ATXN1L: variants seen among roughly 807,000 people sequenced by gnomAD.
The protein encoded by ATXN1L is ataxin 1 like.
A neutral mutation model predicts 43.4 loss-of-function variants in ATXN1L; 8 were observed. That is an observed-to-expected ratio of 0.18 (90% CI 0.11 to 0.33). The LOEUF is 0.33. Ranked by LOEUF, ATXN1L falls within the 10% of genes least tolerant of loss-of-function variation. The probability of loss-of-function intolerance (pLI) is 1.00; values close to 1 mark genes in which losing one functional copy is unlikely to be tolerated. For synonymous variants in ATXN1L, 379 were observed against 360.6 expected, an observed-to-expected ratio of 1.05 and a Z score of -0.58; for missense variants, 856 against 885.4, an observed-to-expected ratio of 0.97 and a Z score of 0.42.
chr16:71,849,722 A>C lies in ATXN1L; in HGVS notation c.-19A>C. 7 of 1,474,202 alleles carry C rather than the reference A, an allele frequency of 4.7e-6. No homozygotes were observed. The highest frequency in any genetic ancestry group is 6.3e-6 in the Non-Finnish European group (7 of 1,107,496). The allele number at this position is 1,474,202 out of a possible 1,614,324, so 91.3% of individuals were successfully genotyped here. Reference sequence around the variant, plus strand: ...AGCAAGTCGACTCCTTCCAGGCTCCAGGAACACCACAAAGCAATATGAAAC... The same window carrying C: ...AGCAAGTCGACTCCTTCCAGGCTCCCGGAACACCACAAAGCAATATGAAAC... On this transcript the variant is annotated 5_prime_UTR_variant, in exon 3 of 3. Transcript: ENST00000427980.
At position 71,852,928 on chromosome 16, in the gene ATXN1L, A is replaced by G. The variant is rs913381535; in HGVS notation, c.*1118A>G. 2 of 167,058 alleles carry G rather than the reference A, an allele frequency of 1.2e-5. No homozygotes were observed. Among genetic ancestry groups the G allele is most frequent in the African/African-American group, 2.4e-5 (1 of 41,428 alleles). The allele number at this position is 167,058 out of a possible 1,614,324, so 10.3% of individuals were successfully genotyped here. On this transcript the variant is annotated 3_prime_UTR_variant, in exon 3 of 3. Transcript: ENST00000427980. The stretch of plus-strand genomic sequence containing the variant: ...GGTTTCCCCTTCAGCTATAATCTCT[A>G]TTTTTAAAATCTCAAAATCATGTCC...
rs1185945308 is a variant in ATXN1L at position 71,854,087 on chromosome 16, A to G, written c.*2277A>G. ...CTCATTCCTAGAGTTCATTGTTTGC[A>G]TGGGTTTCTCACAAGCGTCCTTCCT... On this transcript the variant is annotated 3_prime_UTR_variant, in exon 3 of 3. Transcript: ENST00000427980. 1.8e-5 allele frequency: 3 copies of G among 167,050 alleles called. No homozygotes were observed. Among genetic ancestry groups the G allele is most frequent in the Non-Finnish European group, 4.4e-5 (3 of 68,146 alleles). 10.3% of individuals were successfully genotyped at this position (167,050 alleles called of 1,614,324 possible). A position where few individuals can be genotyped will look rare whatever the true frequency, so the allele number is the denominator to read the frequency against.
chr16:71,850,032 C>A lies in ATXN1L; in HGVS notation c.292C>A (p.Pro98Thr), dbSNP rs2033481246. Reference sequence around the variant, plus strand: ...TGCCACCTTTTCACCAACTGGACTCCCATCTGTGGTGAATATGAGTCCCTT... The same window carrying A: ...TGCCACCTTTTCACCAACTGGACTCACATCTGTGGTGAATATGAGTCCCTT... The part of the protein sequence containing the change: ...PPATFSPTGL[P>T]SVVNMSPLPP... The change falls in exon 3 of 3, where the codon CCA becomes ACA. Residue 98 changes from proline to threonine, a missense_variant. Physicochemically the swap from Pro to Thr is conservative, Grantham distance 38. Around this residue, in one of 7 missense-constraint regions of ATXN1L, gnomAD observed 93 missense variants for 113.4 expected, o/e 0.82. Transcript: ENST00000427980. 6.4e-7 allele frequency: 1 copy of A among 1,551,628 alleles called. No homozygotes were observed. The highest frequency in any genetic ancestry group is 2.4e-5 in the East Asian group (1 of 40,922).
Position 71,853,443 on chromosome 16 carries a change from C to T in ATXN1L, c.*1633C>T, listed in dbSNP as rs1038453924. The T allele has an allele frequency of 1.8e-5, 3 of 167,004 alleles. No individual in the cohort carries two copies. Among genetic ancestry groups the T allele is most frequent in the African/African-American group, 7.2e-5 (3 of 41,416 alleles). 10.3% of individuals were successfully genotyped at this position (167,004 alleles called of 1,614,324 possible). A position where few individuals can be genotyped will look rare whatever the true frequency, so the allele number is the denominator to read the frequency against. On this transcript the variant is annotated 3_prime_UTR_variant, in exon 3 of 3. Coordinates refer to ENST00000427980, the MANE Select transcript of ATXN1L (RefSeq NM_001137675.4). ...AACTCAGGGTATTGTCCACGCAGCTCTCTGGTTAGACTTCTCCCAGGCTAT... is the reference window on the plus strand; with the variant it reads ...AACTCAGGGTATTGTCCACGCAGCTTTCTGGTTAGACTTCTCCCAGGCTAT...
intron 1 of ATXN1L, among the ~76,000 whole-genome samples, chr16:71,847,336 C>A (rs1005067419): frequency 6.6e-6 from 1 of 152,198 alleles, no homozygotes; most frequent in Non-Finnish European, 1.5e-5. Context: ...TGTTAGCCAG[C>A]TGAGGACCAA....
chr16:71,846,180 G>A (rs2033440491), intron 1 of ATXN1L, 76 bp downstream of exon 1: 1 of 163,274 alleles, frequency 6.1e-6, no homozygotes, highest in Non-Finnish European at 1.3e-5. Flanking sequence ...GTGGCCCTCA[G>A]GAGCCCGTTG....
At position 71,850,788 on chromosome 16, in the gene ATXN1L, C is replaced by G. The variant is rs773859541; in HGVS notation, c.1048C>G (p.Arg350Gly). The G allele has an allele frequency of 3.9e-6, 6 of 1,551,646 alleles. No homozygotes were observed. The highest frequency in any genetic ancestry group is 5.2e-6 in the Non-Finnish European group (6 of 1,146,990). Residue 350 changes from arginine to glycine, a missense_variant, in exon 3 of 3, where the codon CGT becomes GGT. Around this residue, in one of 7 missense-constraint regions of ATXN1L, gnomAD observed 490 missense variants for 449.4 expected, o/e 1.09. Transcript: ENST00000427980. The part of the protein sequence containing the change: ...VVGALASQDY[R>G]VVAAQRKEEP... Reference sequence around the variant, plus strand: ...TGGCGCTTTAGCTTCTCAGGACTATCGTGTGGTGGCAGCTCAGAGGAAGGA... The same window carrying G: ...TGGCGCTTTAGCTTCTCAGGACTATGGTGTGGTGGCAGCTCAGAGGAAGGA...
At chr16:71,847,726 A>G (rs965200960) in intron 1 of ATXN1L, among the ~76,000 whole-genome samples, 32 of 152,156 alleles carry the variant, frequency 2.1e-4, no homozygotes, top group African/African-American at 7.0e-4. Context: ...TTTGGGGAAC[A>G]GGCACAGGTA....
chr16:71,852,131 A>G lies in ATXN1L; in HGVS notation c.*321A>G, dbSNP rs772511896. 30 of 234,628 alleles carry G rather than the reference A, an allele frequency of 1.3e-4. No individual in the cohort carries two copies. Among genetic ancestry groups the G allele is most frequent in the Non-Finnish European group, 2.5e-4 (28 of 112,844 alleles). The allele number at this position is 234,628 out of a possible 1,614,324, so 14.5% of individuals were successfully genotyped here. ...TTCCTCCCCATCCCTAGCTCCTGCA[A>G]GAGAAAGTCCAGGCTTTGGGAGCAG... On this transcript the variant is annotated 3_prime_UTR_variant, in exon 3 of 3. Transcript: ENST00000427980.
Position 71,849,820 on chromosome 16 carries a change from G to C in ATXN1L, c.80G>C (p.Gly27Ala). 6.4e-7 allele frequency: 1 copy of C among 1,550,950 alleles called. No homozygotes were observed. The highest frequency in any genetic ancestry group is 8.7e-7 in the Non-Finnish European group (1 of 1,146,610). Reference protein sequence around the residue: ...RDLPVTSEDMGRTTSCSTNHT... With the variant: ...RDLPVTSEDMARTTSCSTNHT... ...CTCCCCGTGACCAGCGAGGATATGG[G>C]GAGAACTACCAGCTGCTCCACTAAC... Residue 27 changes from glycine to alanine, a missense_variant, in exon 3 of 3, where the codon GGG becomes GCG. Coordinates refer to ENST00000427980, the MANE Select transcript of ATXN1L (RefSeq NM_001137675.4).
In ATXN1L at chr16:71,853,867, T is replaced by G. The variant is rs1386953361; in HGVS notation, c.*2057T>G. 2.4e-5 allele frequency: 4 copies of G among 167,092 alleles called. No individual in the cohort carries two copies. Among genetic ancestry groups the G allele is most frequent in the Admixed American group, 1.3e-4 (2 of 15,278 alleles). 10.4% of individuals were successfully genotyped at this position (167,092 alleles called of 1,614,324 possible). A position where few individuals can be genotyped will look rare whatever the true frequency, so the allele number is the denominator to read the frequency against. ...GACCGTGAGTGCTTCAGTATCTGGT[T>G]TGTGTCAGAACCAGACGCCAACTTT... On this transcript the variant is annotated 3_prime_UTR_variant, in exon 3 of 3. Transcript: ENST00000427980.
In ATXN1L at chr16:71,851,869, G is replaced by T; in HGVS notation, c.*59G>T. ...CCAGAGCCTCGCCTCGCCGCCGTGA[G>T]CAGGCAGAGGATTTGCACACGCCGA... On this transcript the variant is annotated 3_prime_UTR_variant, in exon 3 of 3. Transcript: ENST00000427980. This position sits in a 1 kb window ranked among gnomAD's most constrained non-coding sequence, Gnocchi z 4.9. 2.2e-6 allele frequency: 3 copies of T among 1,381,130 alleles called. No homozygotes were observed. The highest frequency in any genetic ancestry group is 3.3e-5 in the Admixed American group (1 of 30,638). 85.6% of individuals were successfully genotyped at this position (1,381,130 alleles called of 1,614,324 possible). A position where few individuals can be genotyped will look rare whatever the true frequency, so the allele number is the denominator to read the frequency against.
rs1231971960 is a variant in ATXN1L at position 71,856,020 on chromosome 16, G to C, written c.*4210G>C. 1 of 166,958 alleles carries C rather than the reference G, an allele frequency of 6.0e-6. No homozygotes were observed. The highest frequency in any genetic ancestry group is 1.5e-5 in the Non-Finnish European group (1 of 68,096). The allele number at this position is 166,958 out of a possible 1,614,324, so 10.3% of individuals were successfully genotyped here. ...CTGTCAGTTGCTCTTTCAACTCTAGGATCCATCTTTGGACCAGAAGCCTGG... is the reference window on the plus strand; with the variant it reads ...CTGTCAGTTGCTCTTTCAACTCTAGCATCCATCTTTGGACCAGAAGCCTGG... On this transcript the variant is annotated 3_prime_UTR_variant, in exon 3 of 3. Coordinates refer to ENST00000427980, the MANE Select transcript of ATXN1L (RefSeq NM_001137675.4).
chr16:71,856,379 C>G lies in ATXN1L; in HGVS notation c.*4569C>G, dbSNP rs1014809422. 3 of 167,116 alleles carry G rather than the reference C, an allele frequency of 1.8e-5. No individual in the cohort carries two copies. Among genetic ancestry groups the G allele is most frequent in the Non-Finnish European group, 2.9e-5 (2 of 68,140 alleles). The allele number at this position is 167,116 out of a possible 1,614,324, so 10.4% of individuals were successfully genotyped here. On this transcript the variant is annotated 3_prime_UTR_variant, in exon 3 of 3. Transcript: ENST00000427980. ...TGTGGCAGCAGCCCATGTGCCTTTA[C>G]CTGTTGTCAAACTTGCAAGCATTTA...
rs987109705 is a variant in ATXN1L, at chr16:71,846,002, C to A, written c.-282C>A. On this transcript the variant is annotated 5_prime_UTR_variant, in exon 1 of 3. Transcript: ENST00000427980. Reference sequence around the variant, plus strand: ...TCTCCGGGCGCCCGGCTGTGGGGGGCGCTGGGTGTGGGGCGGCTCCGGGGC... The same window carrying A: ...TCTCCGGGCGCCCGGCTGTGGGGGGAGCTGGGTGTGGGGCGGCTCCGGGGC... 32 of 166,070 alleles carry A rather than the reference C, an allele frequency of 1.9e-4. No homozygotes were observed. The highest frequency in any genetic ancestry group is 6.5e-4 in the African/African-American group (27 of 41,532). 10.3% of individuals were successfully genotyped at this position (166,070 alleles called of 1,614,324 possible). A position where few individuals can be genotyped will look rare whatever the true frequency, so the allele number is the denominator to read the frequency against.
In ATXN1L at chr16:71,849,607, G is replaced by C; in HGVS notation, c.-117-17G>C. On this transcript the variant is annotated splice_polypyrimidine_tract_variant and intron_variant, in intron 2 of 2. Transcript: ENST00000427980. ...CCCTAGGTTACTTTTCTTTGCCTCT[G>C]ATTTGTTCCCTAATAGATGTGGGCG... is the stretch of plus-strand genomic sequence containing the variant. 1 of 965,108 alleles carries C rather than the reference G, an allele frequency of 1.0e-6. No individual in the cohort carries two copies. Among genetic ancestry groups the C allele is most frequent in the South Asian group, 2.3e-5 (1 of 44,056 alleles). 59.8% of individuals were successfully genotyped at this position (965,108 alleles called of 1,614,324 possible).
rs1381362710 is a variant in ATXN1L at position 71,854,285 on chromosome 16, C to T, written c.*2475C>T. ...TCCACTTGGGCTACTTGTGACTTTC[C>T]AACCTGGTAACTTCCACTGAATTCT... On this transcript the variant is annotated 3_prime_UTR_variant, in exon 3 of 3. Transcript: ENST00000427980. The T allele has an allele frequency of 6.0e-6, 1 of 167,096 alleles. No individual in the cohort carries two copies. Among genetic ancestry groups the T allele is most frequent in the Non-Finnish European group, 1.5e-5 (1 of 68,126 alleles). The allele number at this position is 167,096 out of a possible 1,614,324, so 10.4% of individuals were successfully genotyped here.
intron 1 of ATXN1L, among the ~76,000 whole-genome samples, chr16:71,847,540 A>G (rs549262362): frequency 1.3e-5 from 2 of 151,612 alleles, no homozygotes; most frequent in Admixed American, 1.3e-4. Context: ...TTTTTCATCT[A>G]CTGCTGCTTT....
intron 2 of ATXN1L, among the ~76,000 whole-genome samples, chr16:71,848,638 T>C (rs1485510945): frequency 6.6e-6 from 1 of 152,014 alleles, no homozygotes; most frequent in Non-Finnish European, 1.5e-5. Context: ...AAATGTATTA[T>C]TTCATGGGTC....
Sources: gnomAD v4.1 joint callset for allele counts (sites outside exome capture counted in the v4.1 genomes callset) on GRCh38, gnomAD v4.1.1 for gene constraint, gnomAD v4.1.1 regional missense constraint, Gnocchi (gnomAD v3.1) non-coding constraint, MANE v1.5 for transcripts, NCBI Gene and HGNC (gene_info 2026-07-23, HGNC 2026-07-21) for gene names.